PPP1R3B: variants seen among roughly 807,000 people sequenced by gnomAD.
PPP1R3B encodes the protein protein phosphatase 1 regulatory subunit 3B.
Under a neutral mutation model 14.6 loss-of-function variants are expected in PPP1R3B, and 8 were observed. The ratio of observed to expected loss-of-function variants is 0.55; its 90% CI spans 0.32 to 0.99. The LOEUF (loss-of-function observed/expected upper bound fraction) is 0.99, where lower values mean the gene tolerates loss of function less well. Among genes scored for constraint, PPP1R3B ranks in the 50% least tolerant of loss-of-function variants. The probability of loss-of-function intolerance (pLI) is 0.04; values close to 1 mark genes in which losing one functional copy is unlikely to be tolerated. For missense variants in PPP1R3B, 452 were observed against 360.1 expected (o/e 1.26, Z -2.07); for synonymous variants, 169 against 142.0 (o/e 1.19, Z -1.35).
At position 9,140,194 on chromosome 8, in the gene PPP1R3B, A is replaced by G. The variant is rs1585337419; in HGVS notation, c.*600T>C. On this transcript the variant is annotated 3_prime_UTR_variant, in exon 2 of 2. Coordinates refer to ENST00000310455, the MANE Select transcript of PPP1R3B (RefSeq NM_024607.4). Reference sequence around the variant, plus strand: ...TTATCTTTTCCTGAACATCAGATCAATTGTGGAAGAACATAAAATGCAAAA... The same window carrying G: ...TTATCTTTTCCTGAACATCAGATCAGTTGTGGAAGAACATAAAATGCAAAA... The G allele has an allele frequency of 6.4e-6, 1 of 157,132 alleles. No homozygotes were observed. Among genetic ancestry groups the G allele is most frequent in the South Asian group, 1.9e-4 (1 of 5,322 alleles). 9.7% of individuals were successfully genotyped at this position (157,132 alleles called of 1,614,324 possible).
chr8:9,141,037 A>G lies in PPP1R3B; in HGVS notation c.615T>C (p.Tyr205=), dbSNP rs374140267. The G allele has an allele frequency of 1.6e-5, 26 of 1,614,150 alleles. No individual in the cohort carries two copies. In the East Asian group the frequency reaches 2.2e-4, roughly 14 times the overall value. Residue 205 remains tyrosine, a synonymous_variant, in exon 2 of 2, where the codon TAT becomes TAC. Transcript: ENST00000310455. ...DISLPEKIQS[Y]ERMEFAVYYE... is the part of the protein sequence containing the mutation. The stretch of plus-strand genomic sequence containing the variant: ...AGTACACAGCAAACTCCATTCTTTC[A>G]TAAGACTGAATCTTCTCGGGCAAGC...
chr8:9,151,447 G>C (rs1408662123), upstream of PPP1R3B: 1 of 163,540 alleles, frequency 6.1e-6, no homozygotes, highest in Non-Finnish European at 1.3e-5. Flanking sequence ...AGCTGGGCCC[G>C]GGCTCGGGTT....
Position 9,141,128 on chromosome 8 carries a change from A to C in PPP1R3B, c.524T>G (p.Phe175Cys). The change falls in exon 2 of 2, where the codon TTT becomes TGT. Residue 175 changes from phenylalanine to cysteine, a missense_variant. Physicochemically the swap from Phe to Cys is radical, Grantham distance 205 (BLOSUM62 -2). Coordinates refer to ENST00000310455, the MANE Select transcript of PPP1R3B (RefSeq NM_024607.4). ...AGTGTCCTTCACGTACTGACAAGGA[A>C]AGTCTGTGTAGCTCTTCCAGGTGTC... ...TFDTWKSYTD[F>C]PCQYVKDTYA... 6.2e-7 allele frequency: 1 copy of C among 1,614,170 alleles called. No homozygotes were observed. Among genetic ancestry groups the C allele is most frequent in the Non-Finnish European group, 8.5e-7 (1 of 1,180,026 alleles).
Position 9,137,959 on chromosome 8 carries a change from T to C in PPP1R3B, c.*2835A>G, listed in dbSNP as rs1800945121. On this transcript the variant is annotated 3_prime_UTR_variant, in exon 2 of 2. Coordinates refer to ENST00000310455, the MANE Select transcript of PPP1R3B (RefSeq NM_024607.4). ...ATAGTTATCACTGAATTACCATATT[T>C]CAAATTTTGACATGGGAATGTCTTA... 1 of 152,148 alleles carries C rather than the reference T, an allele frequency of 6.6e-6. No individual in the cohort carries two copies. The allele number at this position is 152,148 out of a possible 1,614,324, so 9.4% of individuals were successfully genotyped here. A position where few individuals can be genotyped will look rare whatever the true frequency, so the allele number is the denominator to read the frequency against.
rs150624494 is a variant in PPP1R3B, at chr8:9,143,151, C to T, written c.-17-1483G>A. ...CAGGAGACAAGGGTTCCCTTTTCTC[C>T]ACGTCTTTGCCAATACTTATTTTCT... On this transcript the variant is annotated intron_variant, in intron 1 of 1. Transcript: ENST00000310455. Among the ~76,000 whole-genome samples the T allele has an allele frequency of 9.0e-4, 137 of 152,264 alleles. 2 individuals carry two copies. Among genetic ancestry groups the T allele is most frequent in the East Asian group, 8.7e-3 (45 of 5,184 alleles).
chr8:9,150,917 G>A (rs898853587), upstream of PPP1R3B, among the ~76,000 whole-genome samples: 7 of 152,234 alleles, frequency 4.6e-5, no homozygotes, highest in Non-Finnish European at 7.3e-5. Flanking sequence ...GGGAAAATAA[G>A]GCCCGGAGAG....
intron 1 of PPP1R3B, chr8:9,145,144 A>G (rs1249545423): frequency 6.6e-6 from 1 of 152,082 alleles, no homozygotes; most frequent in Non-Finnish European, 1.5e-5. Context: ...TTATGTCTAC[A>G]TATGTATATA....
chr8:9,141,270 G>T lies in PPP1R3B; in HGVS notation c.382C>A (p.Leu128Ile). ...TCAAGGCAGACGTGGTCGGCCTGAA[G>T]TCGATTTCTAAAGTCTAAGTAATCT... ...SADYLDFRNR[L>I]QADHVCLENC... The change falls in exon 2 of 2, where the codon CTT (leucine) becomes ATT (isoleucine). Residue 128 changes from leucine to isoleucine, a missense_variant. Leu to Ile is a conservative substitution (Grantham distance 5). Coordinates refer to ENST00000310455, the MANE Select transcript of PPP1R3B (RefSeq NM_024607.4). The T allele has an allele frequency of 6.2e-7, 1 of 1,614,160 alleles. No homozygotes were observed.
intron 1 of PPP1R3B, among the ~76,000 whole-genome samples, chr8:9,148,198 G>C (rs1227929140): frequency 6.6e-6 from 1 of 152,154 alleles, no homozygotes; most frequent in Admixed American, 6.5e-5. Context: ...GATGTGCAAG[G>C]TAATATTAAG....
rs75171588 is a variant in PPP1R3B at position 9,147,735 on chromosome 8, C to T, written c.-18+2828G>A. Among the ~76,000 whole-genome samples, 694 of 151,324 alleles carry T rather than the reference C, an allele frequency of 4.6e-3. 47 individuals are homozygous for T. In the East Asian group the frequency reaches 0.12, roughly 25 times the overall value. On this transcript the variant is annotated intron_variant, in intron 1 of 1. Coordinates refer to ENST00000310455, the MANE Select transcript of PPP1R3B (RefSeq NM_024607.4). The stretch of plus-strand genomic sequence containing the variant: ...CCTTTTTATCACCAAGCTGTAAGAA[C>T]AAGCAGAAGTCCGGCTTGGAGAGGC...
chr8:9,147,579 CAAA>C (rs930911598), intron 1 of PPP1R3B, among the ~76,000 whole-genome samples: 6 of 151,682 alleles, frequency 4.0e-5, no homozygotes, highest in African/African-American at 1.5e-4. Flanking sequence ...AAGGATCAAT[CAAA>C]GAATCTACAC....
intron 1 of PPP1R3B, among the ~76,000 whole-genome samples, chr8:9,148,150 G>T (rs1417144946): frequency 6.6e-6 from 1 of 152,196 alleles, no homozygotes; most frequent in East Asian, 1.9e-4. Flanking sequence ...CTGTGACAGG[G>T]ATGGCTGCCG....
At chr8:9,148,143 T>G (rs1365453512) in intron 1 of PPP1R3B, among the ~76,000 whole-genome samples, 1 of 152,166 alleles carries the variant, frequency 6.6e-6, no homozygotes, top group East Asian at 1.9e-4. Context: ...CAGCGGACTG[T>G]GACAGGGATG....
rs774643756 is a variant in PPP1R3B, at chr8:9,140,961, T to C, written c.691A>G (p.Arg231Gly). Residue 231 changes from arginine (R) to glycine (G), a missense_variant, in exon 2 of 2, where the codon AGG becomes GGG. Arg to Gly is a moderately radical substitution (Grantham distance 125, BLOSUM62 -2). Transcript: ENST00000310455. Reference sequence around the variant, plus strand: ...GATTTTAACTCAGCCCGGATGATCCTATAGTTCTTGCCTCTGTTGCTGTCC... The same window carrying C: ...GATTTTAACTCAGCCCGGATGATCCCATAGTTCTTGCCTCTGTTGCTGTCC... The part of the protein sequence containing the change: ...YWDSNRGKNY[R>G]IIRAELKSTQ... The C allele has an allele frequency of 6.2e-7, 1 of 1,614,214 alleles. No homozygotes were observed. Among genetic ancestry groups the C allele is most frequent in the African/African-American group, 1.3e-5 (1 of 75,058 alleles).
At chr8:9,148,818 G>C (rs1801320210) in intron 1 of PPP1R3B, among the ~76,000 whole-genome samples, 1 of 152,186 alleles carries the variant, frequency 6.6e-6, no homozygotes, top group Non-Finnish European at 1.5e-5. Flanking sequence ...TCATAGGGAG[G>C]AAATCTTTTT....
At chr8:9,144,480 C>A (rs1801174979) in intron 1 of PPP1R3B, among the ~76,000 whole-genome samples, 1 of 152,184 alleles carries the variant, frequency 6.6e-6, no homozygotes, top group African/African-American at 2.4e-5. Context: ...TAGGTATGAG[C>A]CACTGTGCCC....
chr8:9,149,429 G>A (rs1463374123), intron 1 of PPP1R3B, among the ~76,000 whole-genome samples: 5 of 152,124 alleles, frequency 3.3e-5, no homozygotes, highest in Admixed American at 2.6e-4. Flanking sequence ...CGTGAACCCG[G>A]GAGGCGGAGC....
intron 1 of PPP1R3B, among the ~76,000 whole-genome samples, chr8:9,146,642 A>G (rs1037715015): frequency 2.0e-5 from 3 of 152,204 alleles, no homozygotes; most frequent in African/African-American, 7.2e-5. Context: ...ACAATAACTT[A>G]TGGCCAGAAT....
At chr8:9,148,387 G>C (rs1801305175) in intron 1 of PPP1R3B, among the ~76,000 whole-genome samples, 1 of 151,784 alleles carries the variant, frequency 6.6e-6, no homozygotes, top group South Asian at 2.1e-4. Flanking sequence ...TTGGCCAAGG[G>C]GGAAAAAAAA....
Sources: gnomAD v4.1 joint callset for allele counts (sites outside exome capture counted in the v4.1 genomes callset) on GRCh38, gnomAD v4.1.1 for gene constraint, MANE v1.5 for transcripts, NCBI Gene and HGNC (gene_info 2026-07-23, HGNC 2026-07-21) for gene names.